Variants in SPO11 observed in about 807,000 individuals in gnomAD.
SPO11 encodes meiotic recombination protein SPO11.
A neutral mutation model predicts 51.6 loss-of-function variants in SPO11; 49 were observed. That is an observed-to-expected ratio of 0.95 (90% CI 0.75 to 1.20). The LOEUF is 1.20. Ranked by LOEUF, SPO11 falls within the 50% of genes most tolerant of loss-of-function variation. SPO11 has a pLI of 0.00. For missense variants in SPO11, 431 were observed against 473.4 expected, an observed-to-expected ratio of 0.91 and a Z score of 0.83; for synonymous variants, 176 against 158.2, an observed-to-expected ratio of 1.11 and a Z score of -0.84.
In SPO11 at chr20:57,343,433, C is replaced by A; in HGVS notation, c.1164C>A (p.Asn388Lys). The A allele has an allele frequency of 6.3e-7, 1 of 1,597,892 alleles. No homozygotes were observed. Among genetic ancestry groups the A allele is most frequent in the Non-Finnish European group, 8.5e-7 (1 of 1,175,312 alleles). The change falls in exon 13 of 13, where the codon AAC (asparagine) becomes AAA (lysine). Residue 388 changes from asparagine (N) to lysine (K), a missense_variant. Asn to Lys is a moderately conservative substitution (Grantham distance 94). Around this residue, in one of 3 missense-constraint regions of SPO11, gnomAD observed 23 missense variants for 27.3 expected, o/e 0.84. Coordinates refer to ENST00000371263, the MANE Select transcript of SPO11 (RefSeq NM_012444.3). ...ATCTTTCCAGAGTGTACTTACCTAACAAATTAAAATTTGGAGGATGGATAT... is the reference window on the plus strand; with the variant it reads ...ATCTTTCCAGAGTGTACTTACCTAAAAAATTAAAATTTGGAGGATGGATAT... Reference protein sequence around the residue: ...SDYLSRVYLPNKLKFGGWI With the variant: ...SDYLSRVYLPKKLKFGGWI
intron 2 of SPO11, 39 bp from the exon 3 acceptor site, chr20:57,333,149 C>G (rs1382997623): frequency 2.7e-6 from 4 of 1,497,186 alleles, no homozygotes; most frequent in Admixed American, 4.2e-5. Context: ...TAGAAGTTGT[C>G]TTTTTCACTT....
chr20:57,341,896 C>G (rs1038116278), intron 11 of SPO11, among the ~76,000 whole-genome samples: 2 of 152,208 alleles, frequency 1.3e-5, no homozygotes, highest in African/African-American at 4.8e-5. Flanking sequence ...AGGAAAAACA[C>G]TATGGTAGCT....
Position 57,335,435 on chromosome 20 carries a change from C to A in SPO11, c.614C>A (p.Ser205Ter). Residue 205 changes from serine (S) to a stop codon, truncating the protein, a stop_gained, in exon 7 of 13, where the codon TCG becomes TAG. Transcript: ENST00000371263. LOFTEE classifies it high-confidence loss of function. ...TCGATAVAVP[S>*]NIQGIRNLVT... ...TTTTAAAAGGCTGTTGCTGTGCCAT[C>A]GAATATTCAAGGAATTCGGAGTATC... is the stretch of plus-strand genomic sequence containing the variant. 6.2e-7 allele frequency: 1 copy of A among 1,609,832 alleles called. No individual in the cohort carries two copies. The highest frequency in any genetic ancestry group is 8.5e-7 in the Non-Finnish European group (1 of 1,178,634).
At position 57,337,406 on chromosome 20, in the gene SPO11, A is replaced by C. The variant is rs551127039; in HGVS notation, c.745-870A>C. Among the ~76,000 whole-genome samples, 4 of 152,300 alleles carry C rather than the reference A, an allele frequency of 2.6e-5. No homozygotes were observed. In the East Asian group the frequency reaches 7.7e-4, roughly 29 times the overall value. On this transcript the variant is annotated intron_variant, in intron 8 of 12. Transcript: ENST00000371263. Reference sequence around the variant, plus strand: ...ATAATAATCTCATATGTTGTTACAGAGCATCAAACCACAGAGTGGTTTTGT... The same window carrying C: ...ATAATAATCTCATATGTTGTTACAGCGCATCAAACCACAGAGTGGTTTTGT...
intron 7 of SPO11, 127 bp downstream of exon 7, chr20:57,335,582 C>T: frequency 1.1e-6 from 1 of 882,464 alleles, no homozygotes; most frequent in East Asian, 2.6e-5. Flanking sequence ...AAGATGAACA[C>T]ACCATGGTCC....
chr20:57,329,835 G>A lies in SPO11; in HGVS notation c.-33G>A. On this transcript the variant is annotated 5_prime_UTR_variant, in exon 1 of 13. Coordinates refer to ENST00000371263, the MANE Select transcript of SPO11 (RefSeq NM_012444.3). The stretch of plus-strand genomic sequence containing the variant: ...CCCCAAGGGCGCAGCCTAGGACAGG[G>A]GCTTCTGGAGCTTCTGGCAGCCGTC... The A allele has an allele frequency of 1.3e-6, 2 of 1,599,566 alleles. No homozygotes were observed. The highest frequency in any genetic ancestry group is 2.2e-5 in the South Asian group (2 of 90,212).
Position 57,329,830 on chromosome 20 carries a change from A to ACAGGGGCTT in SPO11, c.-36_-28dup. 1 of 1,597,512 alleles carries ACAGGGGCTT rather than the reference A, an allele frequency of 6.3e-7. No individual in the cohort carries two copies. Among genetic ancestry groups the ACAGGGGCTT allele is most frequent in the South Asian group, 1.1e-5 (1 of 89,948 alleles). The stretch of plus-strand genomic sequence containing the variant: ...CCACGCCCCAAGGGCGCAGCCTAGG[A>ACAGGGGCTT]CAGGGGCTTCTGGAGCTTCTGGCAG... On this transcript the variant is annotated 5_prime_UTR_variant, in exon 1 of 13. Coordinates refer to ENST00000371263, the MANE Select transcript of SPO11 (RefSeq NM_012444.3).
At chr20:57,333,921 CTG>C in intron 4 of SPO11, 64 bp from the exon 5 acceptor site, 1 of 1,039,834 alleles carries the variant, frequency 9.6e-7, no homozygotes, top group Non-Finnish European at 1.4e-6. Flanking sequence ...TCAATTAACA[CTG>C]TAATACTTGT....
chr20:57,333,105 T>G (rs1009731621), intron 2 of SPO11, 83 bp from the exon 3 acceptor site: 4 of 982,894 alleles, frequency 4.1e-6, no homozygotes, highest in Non-Finnish European at 6.1e-6. Flanking sequence ...TTAAATGATG[T>G]GCAGAAGACC....
At position 57,340,178 on chromosome 20, in the gene SPO11, G is replaced by C; in HGVS notation, c.959G>C (p.Arg320Thr). Residue 320 changes from arginine (R) to threonine (T), a missense_variant and splice_region_variant, in exon 11 of 13, where the codon AGA (arginine) becomes ACA (threonine). Physicochemically the swap from Arg to Thr is moderately conservative, Grantham distance 71 (BLOSUM62 -1). This residue lies in a region of SPO11 where 405 missense variants were observed against 425.9 expected (regional missense o/e 0.95). Transcript: ENST00000371263. Reference protein sequence around the residue: ...WLGLLPSDLKRLNVPKDSLIP... With the variant: ...WLGLLPSDLKTLNVPKDSLIP... The stretch of plus-strand genomic sequence containing the variant: ...GGTCTTCTCCCTTCTGATCTTAAAA[G>C]GTTAGATAGTATAGCAGAACTAGGA... The C allele has an allele frequency of 1.3e-6, 2 of 1,590,174 alleles. No homozygotes were observed. Among genetic ancestry groups the C allele is most frequent in the Non-Finnish European group, 1.7e-6 (2 of 1,158,382 alleles).
intron 2 of SPO11, among the ~76,000 whole-genome samples, chr20:57,332,225 G>T (rs913452251): frequency 6.6e-6 from 1 of 152,196 alleles, no homozygotes; most frequent in Non-Finnish European, 1.5e-5. Flanking sequence ...TCATAATTTT[G>T]CTAAGAATAG....
rs749455830 is a variant in SPO11 at position 57,334,824 on chromosome 20, C to T, written c.585C>T (p.Thr195=). 3 of 1,613,420 alleles carry T rather than the reference C, an allele frequency of 1.9e-6. No individual in the cohort carries two copies. Among genetic ancestry groups the T allele is most frequent in the Non-Finnish European group, 1.7e-6 (2 of 1,179,580 alleles). ...AAGATGGCACCAAAGTGAATTGTACCTGTGGTGCAACGGTAAGAAGCATCA... is the reference window on the plus strand; with the variant it reads ...AAGATGGCACCAAAGTGAATTGTACTTGTGGTGCAACGGTAAGAAGCATCA... The part of the protein sequence containing the change: ...IEEDGTKVNC[T]CGATAVAVPS... Residue 195 remains threonine, a synonymous_variant, in exon 6 of 13, where the codon ACC becomes ACT. Coordinates refer to ENST00000371263, the MANE Select transcript of SPO11 (RefSeq NM_012444.3).
intron 12 of SPO11, 117 bp downstream of exon 12, chr20:57,342,957 C>T (rs1030819008): frequency 8.2e-6 from 6 of 732,696 alleles, no homozygotes; most frequent in Admixed American, 2.6e-5. Flanking sequence ...ACACGACTAA[C>T]ATAAGTGTTG....
intron 8 of SPO11, 129 bp downstream of exon 8, chr20:57,336,036 C>T (rs367916594): frequency 6.4e-5 from 37 of 580,880 alleles, no homozygotes; most frequent in East Asian, 3.4e-4. Context: ...GATCATAGAA[C>T]GGGAATTTCC....
intron 3 of SPO11, 39 bp from the exon 4 acceptor site, chr20:57,333,647 GA>G: frequency 9.4e-7 from 1 of 1,065,528 alleles, no homozygotes; most frequent in South Asian, 1.4e-5. Context: ...ATCAGTAAGA[GA>G]AATGATGAGT....
In SPO11 at chr20:57,342,826, T is replaced by C; in HGVS notation, c.1057T>C (p.Phe353Leu). The change falls in exon 12 of 13, where the codon TTT becomes CTT. Residue 353 changes from phenylalanine to leucine, a missense_variant. Around this residue, in one of 3 missense-constraint regions of SPO11, gnomAD observed 405 missense variants for 425.9 expected, o/e 0.95. Coordinates refer to ENST00000371263, the MANE Select transcript of SPO11 (RefSeq NM_012444.3). ...LRRPYVTCQP[F>L]WRKEMEIMAD... ...GAGACCTTATGTTACCTGCCAACCA[T>C]TTTGGAGAAAAGAAGTATGTTTCCT... 2 of 1,611,324 alleles carry C rather than the reference T, an allele frequency of 1.2e-6. No homozygotes were observed. The highest frequency in any genetic ancestry group is 1.7e-6 in the Non-Finnish European group (2 of 1,178,116).
Position 57,343,415 on chromosome 20 carries a change from C to T in SPO11, c.1146C>T (p.Ser382=), listed in dbSNP as rs1340227223. Residue 382 remains serine, a synonymous_variant, in exon 13 of 13, where the codon TCC becomes TCT. Transcript: ENST00000371263. ...CTTTCCTATCATCAGATTATCTTTCCAGAGTGTACTTACCTAACAAATTAA... is the reference window on the plus strand; with the variant it reads ...CTTTCCTATCATCAGATTATCTTTCTAGAGTGTACTTACCTAACAAATTAA... ...ALTFLSSDYL[S]RVYLPNKLKF... 1.2e-6 allele frequency: 2 copies of T among 1,611,136 alleles called. No homozygotes were observed. The highest frequency in any genetic ancestry group is 2.2e-5 in the East Asian group (1 of 44,680).
rs140465905 is a variant in SPO11 at position 57,335,310 on chromosome 20, C to T, written c.598-109C>T. 6.2e-5 allele frequency: 54 copies of T among 872,760 alleles called. No homozygotes were observed. The African/African-American group carries it at 7.4e-4, about 12-fold the overall frequency. 54.1% of individuals were successfully genotyped at this position (872,760 alleles called of 1,614,324 possible). A position where few individuals can be genotyped will look rare whatever the true frequency, so the allele number is the denominator to read the frequency against. ...ACTATTTTTTAACAGAGGAAGAAGT[C>T]TCTGATGACTGGTATGGTCAAAGAA... On this transcript the variant is annotated intron_variant, in intron 6 of 12. Transcript: ENST00000371263.
intron 10 of SPO11, among the ~76,000 whole-genome samples, chr20:57,339,864 A>G (rs1021261269): frequency 6.6e-6 from 1 of 152,150 alleles, no homozygotes; most frequent in Non-Finnish European, 1.5e-5. Context: ...TTGGTCTCCC[A>G]AAGTACTGGG....
Sources: gnomAD v4.1 joint callset for allele counts (sites outside exome capture counted in the v4.1 genomes callset) on GRCh38, gnomAD v4.1.1 for gene constraint, gnomAD v4.1.1 regional missense constraint, MANE v1.5 for transcripts, NCBI Gene and HGNC (gene_info 2026-07-23, HGNC 2026-07-21) for gene names.